The following IVNS1ABP variants were observed in gnomAD, a reference collection of about 807,000 sequenced individuals.
The protein encoded by IVNS1ABP is influenza virus NS1A binding protein, also known as influenza virus NS1A-binding protein.
IVNS1ABP carries 25 observed loss-of-function variants against 78.9 expected under a neutral mutation model. That is an observed-to-expected ratio of 0.32 (90% CI 0.23 to 0.44). The LOEUF (loss-of-function observed/expected upper bound fraction) is 0.44. Among genes scored for constraint, IVNS1ABP ranks in the 20% least tolerant of loss-of-function variants. The probability of loss-of-function intolerance (pLI) is 1.00; values close to 1 mark genes in which losing one functional copy is unlikely to be tolerated. For synonymous variants in IVNS1ABP, 241 were observed against 259.7 expected (o/e 0.93, Z 0.69); for missense variants, 494 against 768.9 (o/e 0.64, Z 4.23).
At chr1:185,315,416 C>A (rs747121442) in intron 1 of IVNS1ABP, among the ~76,000 whole-genome samples, 10 of 152,146 alleles carry the variant, frequency 6.6e-5, no homozygotes, top group Non-Finnish European at 1.5e-4. Flanking sequence ...CAAATTAAGA[C>A]AATGGCTATA....
At position 185,297,491 on chromosome 1, in the gene IVNS1ABP, ATATAAAAAGT is replaced by A. The variant is rs1665449769; in HGVS notation, c.*534_*543del. On this transcript the variant is annotated 3_prime_UTR_variant, in exon 15 of 15. Coordinates refer to ENST00000367498, the MANE Select transcript of IVNS1ABP (RefSeq NM_006469.5). ...CAATTGGTAAAGCACTCTGCTGAGA[ATATAAAAAGT>A]TATAAAAAGGCAATCATAAAAGATT... 6.5e-6 allele frequency: 1 copy of A among 153,542 alleles called. No individual in the cohort carries two copies. Among genetic ancestry groups the A allele is most frequent in the East Asian group, 1.9e-4 (1 of 5,204 alleles). The allele number at this position is 153,542 out of a possible 1,614,324, so 9.5% of individuals were successfully genotyped here. A position where few individuals can be genotyped will look rare whatever the true frequency, so the allele number is the denominator to read the frequency against.
chr1:185,307,442 G>T (rs779790612), intron 6 of IVNS1ABP, 47 bp downstream of exon 6: 1 of 1,399,442 alleles, frequency 7.1e-7, no homozygotes, highest in Non-Finnish European at 9.9e-7. Context: ...AAGATTCCAC[G>T]CCTGGAACTA....
In IVNS1ABP at chr1:185,307,107, C is replaced by A. The variant is rs149113886; in HGVS notation, c.564G>T (p.Leu188Phe). Residue 188 changes from leucine to phenylalanine, a missense_variant, in exon 7 of 15, where the codon TTG becomes TTT. Leu to Phe is a conservative substitution (Grantham distance 22). Coordinates refer to ENST00000367498, the MANE Select transcript of IVNS1ABP (RefSeq NM_006469.5). ...LEVMLEDNVCLPSNGKLYTKV... is the reference protein window; with the variant it reads ...LEVMLEDNVCFPSNGKLYTKV... ...TTGTATATAATTTGCCATTGCTGGG[C>A]AAGCAAACATTATCTTCAAGCATTA... 31 of 1,613,450 alleles carry A rather than the reference C, an allele frequency of 1.9e-5. No homozygotes were observed. The highest frequency in any genetic ancestry group is 2.6e-5 in the Non-Finnish European group (31 of 1,179,530).
In IVNS1ABP at chr1:185,310,829, G is replaced by A. The variant is rs144981368; in HGVS notation, c.-19+266C>T. On this transcript the variant is annotated intron_variant, in intron 2 of 14. Coordinates refer to ENST00000367498, the MANE Select transcript of IVNS1ABP (RefSeq NM_006469.5). Reference sequence around the variant, plus strand: ...GGAGTTCCAGGCTGCAGTGAGCTATGATCCCACCACTGCACTCCAGCCTGG... The same window carrying A: ...GGAGTTCCAGGCTGCAGTGAGCTATAATCCCACCACTGCACTCCAGCCTGG... Among the ~76,000 whole-genome samples the A allele has an allele frequency of 5.0e-3, 752 of 151,374 alleles. 7 individuals carry two copies. The highest frequency in any genetic ancestry group is 0.017 in the African/African-American group (717 of 41,226).
At chr1:185,313,943 A>G (rs755903362) in intron 1 of IVNS1ABP, among the ~76,000 whole-genome samples, 2 of 152,198 alleles carry the variant, frequency 1.3e-5, no homozygotes, top group Non-Finnish European at 2.9e-5. Flanking sequence ...ACAGCCCGGA[A>G]AGATTAGCTT....
intron 1 of IVNS1ABP, among the ~76,000 whole-genome samples, chr1:185,315,312 C>T (rs1665986720): frequency 6.6e-6 from 1 of 152,154 alleles, no homozygotes; most frequent in African/African-American, 2.4e-5. Context: ...AAAATCCCAC[C>T]TTCCAAAAGC....
chr1:185,298,075 G>C lies in IVNS1ABP; in HGVS notation c.1889C>G (p.Ser630Ter). 1 of 1,613,604 alleles carries C rather than the reference G, an allele frequency of 6.2e-7. No individual in the cohort carries two copies. Among genetic ancestry groups the C allele is most frequent in the Non-Finnish European group, 8.5e-7 (1 of 1,179,710 alleles). The stretch of plus-strand genomic sequence containing the variant: ...CTTTGTATAGGGGCTCCATTCATTT[G>C]ACTCAAGGTTATAGACTTCCACCGT... ...LNTVEVYNLESNEWSPYTKIF... is the reference protein window; with the variant it reads ...LNTVEVYNLE The change falls in exon 15 of 15, where the codon TCA becomes TGA. Residue 630 changes from serine (S) to a stop codon, truncating the protein, a stop_gained. Coordinates refer to ENST00000367498, the MANE Select transcript of IVNS1ABP (RefSeq NM_006469.5). LOFTEE classifies it high-confidence loss of function. This position sits in a 1 kb window ranked among gnomAD's most constrained non-coding sequence, Gnocchi z 4.1.
intron 1 of IVNS1ABP, among the ~76,000 whole-genome samples, chr1:185,315,335 A>G (rs1665987418): frequency 6.6e-6 from 1 of 152,272 alleles, no homozygotes; most frequent in Non-Finnish European, 1.5e-5. Context: ...GTAGCCAAAA[A>G]GACACTAATT....
chr1:185,298,225 T>G lies in IVNS1ABP; in HGVS notation c.1739A>C (p.Asp580Ala), dbSNP rs376809324. Residue 580 changes from aspartate (D) to alanine (A), a missense_variant, in exon 15 of 15, where the codon GAT becomes GCT. Transcript: ENST00000367498. The surrounding 1 kb of genome is among the most constrained non-coding windows in gnomAD (Gnocchi z 4.1). ...SHAISCVEMY[D>A]PTRNEWKMMG... ...CATCTTCCATTCATTTCTAGTTGGA[T>G]CATACATTTCCACACAACTGATGGC... 356 of 1,613,594 alleles carry G rather than the reference T, an allele frequency of 2.2e-4. 3 individuals are homozygous for G. The South Asian group carries it at 3.8e-3, about 17-fold the overall frequency.
At chr1:185,302,091 CACTT>C (rs1279092217) in intron 8 of IVNS1ABP, among the ~76,000 whole-genome samples, 1 of 152,004 alleles carries the variant, frequency 6.6e-6, no homozygotes, top group African/African-American at 2.4e-5. Context: ...TTACAAGAAA[CACTT>C]AAAGAATATT....
chr1:185,303,395 T>C (rs1665651304), intron 8 of IVNS1ABP, among the ~76,000 whole-genome samples: 1 of 152,116 alleles, frequency 6.6e-6, no homozygotes, highest in Non-Finnish European at 1.5e-5. Context: ...TACAACATGA[T>C]TAGATTCTTA....
In IVNS1ABP at chr1:185,300,450, A is replaced by G. The variant is rs772935019; in HGVS notation, c.1229T>C (p.Met410Thr). 1.2e-6 allele frequency: 2 copies of G among 1,613,716 alleles called. No homozygotes were observed. The highest frequency in any genetic ancestry group is 2.2e-5 in the East Asian group (1 of 44,876). The change falls in exon 11 of 15, where the codon ATG (methionine) becomes ACG (threonine). Residue 410 changes from methionine (M) to threonine (T), a missense_variant. By Grantham distance (81) the Met-to-Thr change is moderately conservative. Transcript: ENST00000367498. ...TAATGCGCTTACCATGAGTACAGCCATTTGAAATCGGGCTCTTGGTGTTCT... is the reference window on the plus strand; with the variant it reads ...TAATGCGCTTACCATGAGTACAGCCGTTTGAAATCGGGCTCTTGGTGTTCT... The part of the protein sequence containing the change: ...PMRTPRARFQ[M>T]AVLMGQLYVV...
chr1:185,298,418 AATTT>A lies in IVNS1ABP; in HGVS notation c.1676-134_1676-131del. ...AATGCCTGTTCATTTTGTCAAAAAGAATTTATTAAATGCCTAATATGACAAATAC... is the reference window on the plus strand; with the variant it reads ...AATGCCTGTTCATTTTGTCAAAAAGAATTAAATGCCTAATATGACAAATAC... On this transcript the variant is annotated intron_variant, in intron 14 of 14. Transcript: ENST00000367498. The surrounding 1 kb of genome is among the most constrained non-coding windows in gnomAD (Gnocchi z 4.1). 1.3e-6 allele frequency: 1 copy of A among 761,550 alleles called. No homozygotes were observed. The highest frequency in any genetic ancestry group is 2.1e-6 in the Non-Finnish European group (1 of 480,286). The allele number at this position is 761,550 out of a possible 1,614,324, so 47.2% of individuals were successfully genotyped here. A position where few individuals can be genotyped will look rare whatever the true frequency, so the allele number is the denominator to read the frequency against.
At position 185,311,329 on chromosome 1, in the gene IVNS1ABP, CAAT is replaced by C. The variant is rs1287306154; in HGVS notation, c.-246-10_-246-8del. 9.8e-5 allele frequency: 39 copies of C among 397,304 alleles called. No individual in the cohort carries two copies. The highest frequency in any genetic ancestry group is 1.5e-4 in the Non-Finnish European group (33 of 225,336). 24.6% of individuals were successfully genotyped at this position (397,304 alleles called of 1,614,324 possible). On this transcript the variant is annotated splice_polypyrimidine_tract_variant and splice_region_variant and intron_variant, in intron 1 of 14. Coordinates refer to ENST00000367498, the MANE Select transcript of IVNS1ABP (RefSeq NM_006469.5). Reference sequence around the variant, plus strand: ...GATAATGATGCATCATAATCTATAACAATGATAAATTTAAGTTAGATATTCAGA... The same window carrying C: ...GATAATGATGCATCATAATCTATAACGATAAATTTAAGTTAGATATTCAGA...
At chr1:185,304,044 T>C (rs1665668788) in intron 8 of IVNS1ABP, among the ~76,000 whole-genome samples, 1 of 152,106 alleles carries the variant, frequency 6.6e-6, no homozygotes, top group Admixed American at 6.6e-5. Flanking sequence ...ACAGATACTC[T>C]TTGCTAACAC....
Position 185,299,725 on chromosome 1 carries a change from CT to C in IVNS1ABP, c.1659del (p.Val554TrpfsTer35). The C allele has an allele frequency of 6.2e-7, 1 of 1,613,726 alleles. No homozygotes were observed. The highest frequency in any genetic ancestry group is 8.5e-7 in the Non-Finnish European group (1 of 1,179,744). On this transcript the variant is annotated frameshift_variant, in exon 14 of 15. Transcript: ENST00000367498. LOFTEE classifies it high-confidence loss of function. ...CAACACTCACCATTAAGAACAGCCA[CT>C]CCAGCTCCTCGCCTAGCCACATTCA... Reference protein sequence around the residue: ...APMNVARRGAGVAVLNGKLFV... With the variant: ...APMNVARRGAXVAVLNGKLFV...
chr1:185,314,114 A>G (rs1162920299), intron 1 of IVNS1ABP, among the ~76,000 whole-genome samples: 2 of 152,222 alleles, frequency 1.3e-5, no homozygotes, highest in African/African-American at 2.4e-5. Flanking sequence ...CATCAGCTGC[A>G]TTTTTAAAGG....
In IVNS1ABP at chr1:185,298,342, A is replaced by G. The variant is rs1195688378; in HGVS notation, c.1676-54T>C. 6.7e-7 allele frequency: 1 copy of G among 1,502,482 alleles called. No individual in the cohort carries two copies. The highest frequency in any genetic ancestry group is 1.4e-5 in the African/African-American group (1 of 71,874). 93.1% of individuals were successfully genotyped at this position (1,502,482 alleles called of 1,614,324 possible). A position where few individuals can be genotyped will look rare whatever the true frequency, so the allele number is the denominator to read the frequency against. ...CAGAGATTAAAGTGTAATAAGGTAA[A>G]ACTCCCCTAAATCTGTCTTTTGCTT... On this transcript the variant is annotated intron_variant, in intron 14 of 14. Transcript: ENST00000367498. This position sits in a 1 kb window ranked among gnomAD's most constrained non-coding sequence, Gnocchi z 4.1.
At position 185,298,238 on chromosome 1, in the gene IVNS1ABP, C is replaced by G. The variant is rs1381335755; in HGVS notation, c.1726G>C (p.Val576Leu). The change falls in exon 15 of 15, where the codon GTG becomes CTG. Residue 576 changes from valine (V) to leucine (L), a missense_variant. Physicochemically the swap from Val to Leu is conservative, Grantham distance 32. Transcript: ENST00000367498. The surrounding 1 kb of genome is among the most constrained non-coding windows in gnomAD (Gnocchi z 4.1). The stretch of plus-strand genomic sequence containing the variant: ...TTTCTAGTTGGATCATACATTTCCA[C>G]ACAACTGATGGCATGAGAACCATCA... The part of the protein sequence containing the change: ...GFDGSHAISC[V>L]EMYDPTRNEW... The G allele has an allele frequency of 8.1e-6, 13 of 1,613,572 alleles. No individual in the cohort carries two copies. The highest frequency in any genetic ancestry group is 1.3e-5 in the African/African-American group (1 of 74,968).
Sources: gnomAD v4.1 joint callset for allele counts (sites outside exome capture counted in the v4.1 genomes callset) on GRCh38, gnomAD v4.1.1 for gene constraint, Gnocchi (gnomAD v3.1) non-coding constraint, MANE v1.5 for transcripts, NCBI Gene and HGNC (gene_info 2026-07-23, HGNC 2026-07-21) for gene names.